Variants in PIGK observed in about 807,000 individuals in gnomAD.
PIGK encodes phosphatidylinositol glycan anchor biosynthesis class K.
Under a neutral mutation model 50.6 loss-of-function variants are expected in PIGK, and 42 were observed. The observed-to-expected ratio is 0.83, with a 90% CI of 0.65 to 1.07. PIGK has a LOEUF of 1.07. Among genes scored for constraint, PIGK ranks in the 50% least tolerant of loss-of-function variants. The probability of loss-of-function intolerance (pLI) is 0.00; values close to 1 mark genes in which losing one functional copy is unlikely to be tolerated. For synonymous variants in PIGK, 151 were observed against 156.0 expected, an observed-to-expected ratio of 0.97 and a Z score of 0.24; for missense variants, 448 against 488.7, an observed-to-expected ratio of 0.92 and a Z score of 0.78.
At chr1:77,196,922 G>C (rs923047579) in intron 3 of PIGK, among the ~76,000 whole-genome samples, 1 of 151,976 alleles carries the variant, frequency 6.6e-6, no homozygotes, top group Non-Finnish European at 1.5e-5. Flanking sequence ...TATTTCCTAA[G>C]TTTTCTTCTA....
Position 77,202,210 on chromosome 1 carries a change from T to C in PIGK, c.239+4430A>G, listed in dbSNP as rs563339698. ...ATGAGGTTCTACTTAGCTATGGGTC[T>C]TTAGCACACTATTCATTCACTCATT... is the stretch of plus-strand genomic sequence containing the variant. On this transcript the variant is annotated intron_variant, in intron 3 of 10. Transcript: ENST00000370812. 9.8e-5 allele frequency among the ~76,000 whole-genome samples: 15 copies of C among 152,348 alleles called. No homozygotes were observed. In the South Asian group the frequency reaches 2.3e-3, roughly 23 times the overall value.
At chr1:77,130,932 A>G (rs796902545) in intron 9 of PIGK, among the ~76,000 whole-genome samples, 7 of 152,260 alleles carry the variant, frequency 4.6e-5, no homozygotes, top group African/African-American at 1.7e-4. Flanking sequence ...TAATAAATTC[A>G]AAGTGCTTAG....
In PIGK at chr1:77,110,431, A is replaced by T. The variant is rs1570188045; in HGVS notation, c.1071+11844T>A. Among the ~76,000 whole-genome samples the T allele has an allele frequency of 2.6e-5, 4 of 152,304 alleles. No individual in the cohort carries two copies. The Middle Eastern group carries it at 0.014, about 518-fold the overall frequency. ...ACAGAGATATAGACCAATGGAACAG[A>T]ACAGAGCCCTCAGAAATAATACCAC... On this transcript the variant is annotated intron_variant, in intron 10 of 10. Transcript: ENST00000370812.
chr1:77,188,084 T>C (rs898807819), intron 3 of PIGK, among the ~76,000 whole-genome samples: 3 of 152,130 alleles, frequency 2.0e-5, no homozygotes, highest in Admixed American at 2.0e-4. Flanking sequence ...CTGCACAAAT[T>C]GTACAGCATG....
rs982240020 is a variant in PIGK, at chr1:77,166,932, A to G, written c.376-102T>C. 6.0e-6 allele frequency: 4 copies of G among 663,548 alleles called. No homozygotes were observed. The African/African-American group carries it at 7.4e-5, about 12-fold the overall frequency. The allele number at this position is 663,548 out of a possible 1,614,324, so 41.1% of individuals were successfully genotyped here. ...AATGTTCATTGTTCTTTCTCCATAT[A>G]TTACTCAGCACCAACTGAAAATAAA... is the stretch of plus-strand genomic sequence containing the variant. On this transcript the variant is annotated intron_variant, in intron 4 of 10. Coordinates refer to ENST00000370812, the MANE Select transcript of PIGK (RefSeq NM_005482.3).
In PIGK at chr1:77,219,337, G is replaced by A. The variant is rs1656667841; in HGVS notation, c.66C>T (p.Phe22=). 1 of 1,613,590 alleles carries A rather than the reference G, an allele frequency of 6.2e-7. No individual in the cohort carries two copies. Among genetic ancestry groups the A allele is most frequent in the Non-Finnish European group, 8.5e-7 (1 of 1,179,748 alleles). ...CGATATGACTAGCGGCCACGCTGCCGAAGGACAAGAGCAACACAGTTGCCA... is the reference window on the plus strand; with the variant it reads ...CGATATGACTAGCGGCCACGCTGCCAAAGGACAAGAGCAACACAGTTGCCA... ...TVLATVLLLS[F]GSVAASHIED... The change falls in exon 1 of 11, where the codon TTC becomes TTT. Residue 22 remains phenylalanine (F), a synonymous_variant. Transcript: ENST00000370812.
intron 9 of PIGK, among the ~76,000 whole-genome samples, chr1:77,153,254 GCACAGAAAGACAAATATCA>G (rs1265924879): frequency 6.6e-6 from 1 of 152,114 alleles, no homozygotes; most frequent in East Asian, 1.9e-4. Context: ...AATATGCCAG[GCACAGAAAGACAAATATCA>G]CATATTCTCA....
chr1:77,128,587 T>C (rs534670902), intron 9 of PIGK, among the ~76,000 whole-genome samples: 17 of 152,358 alleles, frequency 1.1e-4, no homozygotes, highest in African/African-American at 3.8e-4. Flanking sequence ...CAAGGAACTA[T>C]CTGTGTAGAG....
intron 8 of PIGK, 73 bp downstream of exon 8, chr1:77,161,222 G>A: frequency 2.6e-6 from 2 of 772,030 alleles, no homozygotes; most frequent in Non-Finnish European, 4.7e-6. Flanking sequence ...TAGGAGTGCA[G>A]GGAATAATAC....
intron 10 of PIGK, among the ~76,000 whole-genome samples, chr1:77,109,360 A>G (rs1161281018): frequency 6.6e-6 from 1 of 152,238 alleles, no homozygotes; most frequent in Admixed American, 6.5e-5. Flanking sequence ...AAAATCCTCA[A>G]TAAAATACTG....
intron 9 of PIGK, among the ~76,000 whole-genome samples, chr1:77,149,582 G>C (rs1654847936): frequency 6.6e-6 from 1 of 152,110 alleles, no homozygotes; most frequent in East Asian, 1.9e-4. Flanking sequence ...ACCCATTGCA[G>C]TATTACCCAA....
chr1:77,124,091 T>G (rs1282031731), intron 9 of PIGK, among the ~76,000 whole-genome samples: 1 of 152,124 alleles, frequency 6.6e-6, no homozygotes, highest in Non-Finnish European at 1.5e-5. Flanking sequence ...GCTGACATCA[T>G]CTAGCCTCCA....
In PIGK at chr1:77,092,480, A is replaced by C. The variant is rs1466955439; in HGVS notation, c.1082T>G (p.Leu361Arg). ...VAQIIHQKPK[L>R]KDWHPPGGFI... ...GCCCCCAGGAGGATGCCAGTCTTTC[A>C]GCTTCGGTTTCTGCAAAACAAGAAT... Residue 361 changes from leucine (L) to arginine (R), a missense_variant, in exon 11 of 11, where the codon CTG becomes CGG. By Grantham distance (102) the Leu-to-Arg change is moderately radical (BLOSUM62 -2). Coordinates refer to ENST00000370812, the MANE Select transcript of PIGK (RefSeq NM_005482.3). 6.4e-7 allele frequency: 1 copy of C among 1,565,510 alleles called. No homozygotes were observed. Among genetic ancestry groups the C allele is most frequent in the Admixed American group, 1.8e-5 (1 of 55,890 alleles).
At chr1:77,171,769 T>A (rs560615375) in intron 3 of PIGK, among the ~76,000 whole-genome samples, 2,057 of 152,246 alleles carry the variant, frequency 0.014, 47 homozygotes, top group African/African-American at 0.047. Flanking sequence ...AATTCACTGT[T>A]TCTAAAACTT....
chr1:77,215,234 A>T (rs1459452786), intron 1 of PIGK, among the ~76,000 whole-genome samples: 1 of 152,180 alleles, frequency 6.6e-6, no homozygotes, highest in Non-Finnish European at 1.5e-5. Flanking sequence ...CAGCAAAAAA[A>T]ACCAAATAAT....
In PIGK at chr1:77,109,656, A is replaced by C. The variant is rs576983159; in HGVS notation, c.1071+12619T>G. 1.0e-3 allele frequency among the ~76,000 whole-genome samples: 159 copies of C among 152,336 alleles called. 1 individual carries two copies. The highest frequency in any genetic ancestry group is 3.6e-3 in the African/African-American group (150 of 41,588). ...ATGACAAACCCACAGCCAATATCAT[A>C]CTGAATGGGCAAAAACTGGAAGCAT... On this transcript the variant is annotated intron_variant, in intron 10 of 10. Coordinates refer to ENST00000370812, the MANE Select transcript of PIGK (RefSeq NM_005482.3).
At chr1:77,186,707 A>G (rs1472891436) in intron 3 of PIGK, among the ~76,000 whole-genome samples, 3 of 152,172 alleles carry the variant, frequency 2.0e-5, no homozygotes, top group Non-Finnish European at 2.9e-5. Flanking sequence ...GGGCCCATGA[A>G]CAAAGTGGCT....
intron 10 of PIGK, among the ~76,000 whole-genome samples, chr1:77,109,672 C>T (rs1653790788): frequency 6.6e-6 from 1 of 152,114 alleles, no homozygotes; most frequent in South Asian, 2.1e-4. Flanking sequence ...TGGGCAAAAA[C>T]TGGAAGCATT....
intron 3 of PIGK, among the ~76,000 whole-genome samples, chr1:77,204,874 C>A (rs541750339): frequency 6.6e-6 from 1 of 152,238 alleles, no homozygotes; most frequent in African/African-American, 2.4e-5. Flanking sequence ...ACTAGCTGAG[C>A]AGAATCTTTT....
Sources: allele counts gnomAD v4.1 joint callset (sites outside exome capture counted in the v4.1 genomes callset), GRCh38; gene constraint gnomAD v4.1.1; transcripts MANE v1.5; gene names NCBI Gene and HGNC (gene_info 2026-07-23, HGNC 2026-07-21).